The following CCDC159 variants were observed in gnomAD, a reference collection of about 807,000 sequenced individuals.
The protein encoded by CCDC159 is coiled-coil domain-containing protein 159.
Under a neutral mutation model 50.9 loss-of-function variants are expected in CCDC159, and 40 were observed. That is an observed-to-expected ratio of 0.79 (90% CI 0.61 to 1.02). CCDC159 has a LOEUF of 1.02. Ranked by LOEUF, CCDC159 falls within the 50% of genes least tolerant of loss-of-function variation. The pLI, the probability that CCDC159 is intolerant of heterozygous loss-of-function variation, is 0.00. For synonymous variants in CCDC159, 146 were observed against 138.9 expected, an observed-to-expected ratio of 1.05 and a Z score of -0.36; for missense variants, 356 against 371.5, an observed-to-expected ratio of 0.96 and a Z score of 0.34.
At chr19:11,351,618 A>AGAGG (rs1967586091) in intron 5 of CCDC159, 1 of 278,616 alleles carries the variant, frequency 3.6e-6, no homozygotes, top group Non-Finnish European at 6.5e-6. Flanking sequence ...GGGAAGACTG[A>AGAGG]GAGGACAGGA....
Position 11,350,132 on chromosome 19 carries a change from G to C in CCDC159, c.159G>C (p.Leu53=). 1 of 1,613,518 alleles carries C rather than the reference G, an allele frequency of 6.2e-7. No individual in the cohort carries two copies. The highest frequency in any genetic ancestry group is 8.5e-7 in the Non-Finnish European group (1 of 1,179,752). ...LQAQTKAFEF[L]NHSVTMLEKE... is the part of the protein sequence containing the mutation. Reference sequence around the variant, plus strand: ...CTTTCCCCCAGGCTTTCGAGTTCCTGAACCACTCAGTGACCATGTTGGAGA... The same window carrying C: ...CTTTCCCCCAGGCTTTCGAGTTCCTCAACCACTCAGTGACCATGTTGGAGA... The change falls in exon 4 of 11, where the codon CTG becomes CTC. Residue 53 remains leucine, a synonymous_variant. Coordinates refer to ENST00000458408, the MANE Select transcript of CCDC159 (RefSeq NM_001080503.3).
Position 11,350,856 on chromosome 19 carries a change from G to C in CCDC159, c.275G>C (p.Trp92Ser). ...CAGGGAGAGAAGGAGGAGCACAAGTGGGGCATGGAGCAGGGCCGGCAGGAG... is the reference window on the plus strand; with the variant it reads ...CAGGGAGAGAAGGAGGAGCACAAGTCGGGCATGGAGCAGGGCCGGCAGGAG... ...GRQGEKEEHK[W>S]GMEQGRQELY... The change falls in exon 5 of 11, where the codon TGG becomes TCG. Residue 92 changes from tryptophan (W) to serine (S), a missense_variant. Physicochemically the swap from Trp to Ser is radical, Grantham distance 177. Coordinates refer to ENST00000458408, the MANE Select transcript of CCDC159 (RefSeq NM_001080503.3). 1.9e-6 allele frequency: 3 copies of C among 1,551,656 alleles called. No individual in the cohort carries two copies. Among genetic ancestry groups the C allele is most frequent in the Non-Finnish European group, 2.6e-6 (3 of 1,147,766 alleles).
At chr19:11,349,304 CTG>C in intron 1 of CCDC159, 1 of 682,138 alleles carries the variant, frequency 1.5e-6, no homozygotes, top group Non-Finnish European at 2.2e-6. Flanking sequence ...AATGCACCCA[CTG>C]TGTTTCTTCA....
Position 11,346,597 on chromosome 19 carries a change from G to A in CCDC159, c.-10G>A, listed in dbSNP as rs1967243549. ...AGCGTCACAGCTGAGGACTGGCTTC[G>A]TGGTCCCTGATGGGAGAGCATGAAC... On this transcript the variant is annotated 5_prime_UTR_variant, in exon 1 of 11. It adds an upstream start codon to the 5' untranslated region. Transcript: ENST00000458408. The A allele has an allele frequency of 3.2e-6, 5 of 1,551,560 alleles. No homozygotes were observed. Among genetic ancestry groups the A allele is most frequent in the Non-Finnish European group, 3.5e-6 (4 of 1,146,940 alleles).
chr19:11,352,539 G>C (rs188391809), intron 7 of CCDC159: 187 of 185,292 alleles, frequency 1.0e-3, no homozygotes, highest in African/African-American at 4.3e-3. Context: ...CTAGGAGGCA[G>C]AGGTTACAGC....
chr19:11,350,582 A>G (rs751130941), intron 4 of CCDC159, among the ~76,000 whole-genome samples: 16 of 152,272 alleles, frequency 1.1e-4, no homozygotes, highest in Admixed American at 2.0e-4. Context: ...TCTGGGAGGC[A>G]GAGGTTGCAG....
intron 4 of CCDC159, among the ~76,000 whole-genome samples, chr19:11,350,430 A>T (rs1317123266): frequency 2.6e-5 from 4 of 151,018 alleles, no homozygotes; most frequent in Admixed American, 6.6e-5. Flanking sequence ...AGGCAGGTGG[A>T]TCACCTGAGG....
At position 11,353,700 on chromosome 19, in the gene CCDC159, C is replaced by A. The variant is rs1967713104; in HGVS notation, c.690-92C>A. ...ACTTCCCTCACCCCCTAGGACTCAC[C>A]CCACCACGGCCCCCAACCTTAGCTG... On this transcript the variant is annotated intron_variant, in intron 8 of 10. Transcript: ENST00000458408. The A allele has an allele frequency of 3.3e-6, 5 of 1,533,656 alleles. No homozygotes were observed. The Admixed American group carries it at 9.8e-5, about 30-fold the overall frequency.
rs774649036 is a variant in CCDC159 at position 11,350,108 on chromosome 19, T to C, written c.145-10T>C. On this transcript the variant is annotated splice_polypyrimidine_tract_variant and intron_variant, in intron 3 of 10. Coordinates refer to ENST00000458408, the MANE Select transcript of CCDC159 (RefSeq NM_001080503.3). ...TTCCTCCCACCCCAAGGCTGACCTC[T>C]TTCCCCCAGGCTTTCGAGTTCCTGA... The C allele has an allele frequency of 2.5e-6, 4 of 1,613,300 alleles. No individual in the cohort carries two copies. In the African/African-American group the frequency reaches 5.3e-5, roughly 22 times the overall value.
At chr19:11,348,617 C>A in intron 1 of CCDC159, 1 of 401,296 alleles carries the variant, frequency 2.5e-6, no homozygotes. Flanking sequence ...ATCTTTTATC[C>A]AGCTTTGGCT....
intron 1 of CCDC159, among the ~76,000 whole-genome samples, chr19:11,347,974 G>A (rs959410746): frequency 1.3e-5 from 2 of 152,190 alleles, no homozygotes; most frequent in Non-Finnish European, 2.9e-5. Flanking sequence ...TCTATGGCTG[G>A]CATTCACCTG....
intron 4 of CCDC159, 132 bp downstream of exon 4, chr19:11,350,331 T>C (rs1166155965): frequency 1.8e-5 from 10 of 549,688 alleles, no homozygotes; most frequent in Non-Finnish European, 2.8e-5. Context: ...CTGGACAACA[T>C]GGTGAAACCC....
At chr19:11,351,612 A>C in intron 5 of CCDC159, 1 of 270,802 alleles carries the variant, frequency 3.7e-6, no homozygotes, top group African/African-American at 2.4e-5. Context: ...ATGGCAGGGA[A>C]GACTGAGAGG....
At chr19:11,350,078 C>A (rs769803176) in intron 3 of CCDC159, 40 bp from the exon 4 acceptor site, 1 of 1,611,666 alleles carries the variant, frequency 6.2e-7, no homozygotes, top group East Asian at 2.2e-5. Context: ...CTTGCCCTCC[C>A]CTCCTTCCTC....
Position 11,349,979 on chromosome 19 carries a change from C to A in CCDC159, c.97C>A (p.Arg33=). 2 of 1,613,830 alleles carry A rather than the reference C, an allele frequency of 1.2e-6. No individual in the cohort carries two copies. The highest frequency in any genetic ancestry group is 1.7e-6 in the Non-Finnish European group (2 of 1,179,832). Residue 33 remains arginine (R), a synonymous_variant, in exon 3 of 11, where the codon CGA becomes AGA. Coordinates refer to ENST00000458408, the MANE Select transcript of CCDC159 (RefSeq NM_001080503.3). ...GATTCCCGACTCCCAGAAGCTCCTGCGATGTGAACTTGAGTCACTCAAGAG... is the reference window on the plus strand; with the variant it reads ...GATTCCCGACTCCCAGAAGCTCCTGAGATGTGAACTTGAGTCACTCAAGAG... The part of the protein sequence containing the change: ...VMIPDSQKLL[R]CELESLKSQL...
chr19:11,351,797 A>C, intron 5 of CCDC159, 109 bp from the exon 6 acceptor site: 2 of 770,878 alleles, frequency 2.6e-6, no homozygotes, highest in Non-Finnish European at 2.1e-6. Context: ...AGGGCAGGGA[A>C]GTGTGGGGAG....
Position 11,351,915 on chromosome 19 carries a change from C to T in CCDC159, c.432C>T (p.Phe144=), listed in dbSNP as rs1235395276. The part of the protein sequence containing the change: ...LAQEIRDSKK[F]LWEELELVRE... ...TGCACTGTCCCCTCAGCAAGAAGTTCCTGTGGGAGGAGCTGGAACTGGTGC... is the reference window on the plus strand; with the variant it reads ...TGCACTGTCCCCTCAGCAAGAAGTTTCTGTGGGAGGAGCTGGAACTGGTGC... The change falls in exon 6 of 11, where the codon TTC becomes TTT. Residue 144 remains phenylalanine (F), a synonymous_variant. Transcript: ENST00000458408. 6.3e-7 allele frequency: 1 copy of T among 1,597,034 alleles called. No individual in the cohort carries two copies. The highest frequency in any genetic ancestry group is 1.7e-5 in the Admixed American group (1 of 57,268).
intron 5 of CCDC159, 57 bp downstream of exon 5, chr19:11,351,060 C>A (rs1204814009): frequency 7.1e-7 from 1 of 1,417,584 alleles, no homozygotes. Context: ...AGACCCAGAA[C>A]TGGGGAATGG....
chr19:11,352,847 C>T (rs2144644136), intron 7 of CCDC159, among the ~76,000 whole-genome samples: 1 of 152,218 alleles, frequency 6.6e-6, no homozygotes, highest in East Asian at 1.9e-4. Context: ...AGGGGGATCA[C>T]TTGAGCCTTG....
Sources: allele counts gnomAD v4.1 joint callset (sites outside exome capture counted in the v4.1 genomes callset), GRCh38; gene constraint gnomAD v4.1.1; transcripts MANE v1.5; gene names NCBI Gene and HGNC (gene_info 2026-07-23, HGNC 2026-07-21).